The following CCDC38 variants were observed in gnomAD, a reference collection of about 807,000 sequenced individuals.
The protein encoded by CCDC38 is coiled-coil domain containing 38, also known as coiled-coil domain-containing protein 38.
In CCDC38, 69 loss-of-function variants were observed where a neutral mutation model predicts 72.8. The observed-to-expected ratio is 0.95, with a 90% CI of 0.78 to 1.16. CCDC38 has a LOEUF of 1.16. Ranked by LOEUF, CCDC38 falls within the 50% of genes most tolerant of loss-of-function variation. The probability of loss-of-function intolerance (pLI) is 0.00; values close to 1 mark genes in which losing one functional copy is unlikely to be tolerated. For missense variants in CCDC38, 626 were observed against 638.9 expected (o/e 0.98, Z 0.22); for synonymous variants, 201 against 213.2 (o/e 0.94, Z 0.50).
chr12:95,923,227 G>C (rs1293109867), intron 2 of CCDC38, among the ~76,000 whole-genome samples: 1 of 152,060 alleles, frequency 6.6e-6, no homozygotes, highest in Non-Finnish European at 1.5e-5. Context: ...CGTATAGATG[G>C]CAAATCATGG....
chr12:95,871,013 T>C (rs1434804682), intron 14 of CCDC38, among the ~76,000 whole-genome samples: 1 of 152,236 alleles, frequency 6.6e-6, no homozygotes, highest in Non-Finnish European at 1.5e-5. Flanking sequence ...AAGTCATAAA[T>C]AGTTGAACTG....
chr12:95,928,046 T>C (rs1002102176), intron 2 of CCDC38, among the ~76,000 whole-genome samples: 3 of 148,436 alleles, frequency 2.0e-5, no homozygotes, highest in African/African-American at 7.5e-5. Flanking sequence ...GGAGTATCTT[T>C]GTGGCGTTCT....
intron 2 of CCDC38, among the ~76,000 whole-genome samples, chr12:95,929,961 C>T (rs2080319965): frequency 6.6e-6 from 1 of 152,046 alleles, no homozygotes; most frequent in Admixed American, 6.5e-5. Flanking sequence ...TTCACATGGC[C>T]TTCTCCTTTT....
Position 95,878,356 on chromosome 12 carries a change from A to C in CCDC38, c.1143-10T>G. On this transcript the variant is annotated splice_polypyrimidine_tract_variant and intron_variant, in intron 12 of 15. Coordinates refer to ENST00000344280, the MANE Select transcript of CCDC38 (RefSeq NM_182496.3). ...CTCTATGTTGCTATTTCTATTACAA[A>C]AGAAGAAAGAGACCCTCATCTGAAA... 1 of 1,606,812 alleles carries C rather than the reference A, an allele frequency of 6.2e-7. No homozygotes were observed. Among genetic ancestry groups the C allele is most frequent in the Middle Eastern group, 1.7e-4 (1 of 5,906 alleles).
At chr12:95,922,594 C>T (rs11108336) in intron 2 of CCDC38, among the ~76,000 whole-genome samples, 2 of 152,008 alleles carry the variant, frequency 1.3e-5, no homozygotes, top group Non-Finnish European at 2.9e-5. Flanking sequence ...CTAGCCAGGC[C>T]GGGAGAGTTT....
intron 5 of CCDC38, among the ~76,000 whole-genome samples, chr12:95,899,492 T>A (rs190051436): frequency 6.6e-6 from 1 of 152,154 alleles, no homozygotes; most frequent in Non-Finnish European, 1.5e-5. Flanking sequence ...TAGAGATGGT[T>A]TTTGCCATGT....
chr12:95,899,216 A>T (rs1404186299), intron 5 of CCDC38, among the ~76,000 whole-genome samples: 6 of 152,214 alleles, frequency 3.9e-5, no homozygotes, highest in African/African-American at 1.2e-4. Context: ...GCCTGTTTAG[A>T]TCCCCAAACA....
chr12:95,907,818 G>C (rs1456606176), intron 4 of CCDC38, among the ~76,000 whole-genome samples: 3 of 148,970 alleles, frequency 2.0e-5, no homozygotes. Flanking sequence ...ACAGGGCAGA[G>C]GCGCTCCCCA....
chr12:95,919,439 C>A, intron 2 of CCDC38: 1 of 438,650 alleles, frequency 2.3e-6, no homozygotes, highest in Non-Finnish European at 4.6e-6. Flanking sequence ...TTTTGTCTAC[C>A]TATTAAGTTA....
rs2080001456 is a variant in CCDC38 at position 95,906,412 on chromosome 12, T to C, written c.344A>G (p.Asp115Gly). The change falls in exon 5 of 16, where the codon GAC (aspartate) becomes GGC (glycine). Residue 115 changes from aspartate to glycine, a missense_variant. Asp to Gly is a moderately conservative substitution (Grantham distance 94, BLOSUM62 -1). Coordinates refer to ENST00000344280, the MANE Select transcript of CCDC38 (RefSeq NM_182496.3). The part of the protein sequence containing the change: ...TKRTVHEFIN[D>G]QRDRFLLEYA... ...CTCGAGCAGAAACCTGTCTCTCTGGTCATTAATAAATTCATGGACAGTCCT... is the reference window on the plus strand; with the variant it reads ...CTCGAGCAGAAACCTGTCTCTCTGGCCATTAATAAATTCATGGACAGTCCT... The C allele has an allele frequency of 6.2e-7, 1 of 1,613,286 alleles. No homozygotes were observed. The highest frequency in any genetic ancestry group is 8.5e-7 in the Non-Finnish European group (1 of 1,179,564).
intron 2 of CCDC38, among the ~76,000 whole-genome samples, chr12:95,935,989 A>C (rs539382125): frequency 6.6e-6 from 1 of 152,226 alleles, no homozygotes; most frequent in African/African-American, 2.4e-5. Context: ...GAGGAAGGAG[A>C]ATCACTTGAA....
intron 9 of CCDC38, chr12:95,889,033 C>CATT (rs761870084): frequency 5.9e-5 from 5 of 85,066 alleles, no homozygotes; most frequent in Admixed American, 1.6e-4. Context: ...ATTGTCTCAG[C>CATT]TTTTTTTTTT....
chr12:95,929,750 C>T (rs1167971698), intron 2 of CCDC38, among the ~76,000 whole-genome samples: 1 of 152,074 alleles, frequency 6.6e-6, no homozygotes, highest in East Asian at 1.9e-4. Flanking sequence ...CTCTTGTTTC[C>T]ATAATAAGAT....
intron 2 of CCDC38, among the ~76,000 whole-genome samples, chr12:95,923,196 C>T (rs1440689825): frequency 6.6e-6 from 1 of 152,138 alleles, no homozygotes; most frequent in Non-Finnish European, 1.5e-5. Context: ...AATTACATCA[C>T]CAGCTCTCCT....
At chr12:95,910,607 A>G (rs1228419749) in intron 4 of CCDC38, among the ~76,000 whole-genome samples, 3 of 152,214 alleles carry the variant, frequency 2.0e-5, no homozygotes, top group African/African-American at 7.2e-5. Context: ...CATGCCTGTA[A>G]TCCCAAAACT....
chr12:95,871,308 C>G (rs1020506356), intron 14 of CCDC38, among the ~76,000 whole-genome samples: 13 of 152,240 alleles, frequency 8.5e-5, no homozygotes, highest in Middle Eastern at 3.4e-3. Flanking sequence ...TACAGTATGA[C>G]AACTCTAGCA....
At chr12:95,916,996 C>T in intron 4 of CCDC38, 133 bp downstream of exon 4, 2 of 531,866 alleles carry the variant, frequency 3.8e-6, no homozygotes, top group Non-Finnish European at 6.2e-6. Flanking sequence ...ACTCTCAATC[C>T]CCATGTACTA....
At chr12:95,901,092 T>G (rs1438819947) in intron 5 of CCDC38, among the ~76,000 whole-genome samples, 1 of 152,210 alleles carries the variant, frequency 6.6e-6, no homozygotes, top group Admixed American at 6.5e-5. Flanking sequence ...ATAACCCTAA[T>G]ACATGCTAGA....
chr12:95,900,509 G>A (rs1323363489), intron 5 of CCDC38, among the ~76,000 whole-genome samples: 1 of 152,202 alleles, frequency 6.6e-6, no homozygotes, highest in Admixed American at 6.5e-5. Flanking sequence ...ACGTGTTATT[G>A]ATAAAGTTTA....
Sources: allele counts gnomAD v4.1 joint callset (sites outside exome capture counted in the v4.1 genomes callset), GRCh38; gene constraint gnomAD v4.1.1; transcripts MANE v1.5; gene names NCBI Gene and HGNC (gene_info 2026-07-23, HGNC 2026-07-21).